ZDBF2: variants seen among roughly 807,000 people sequenced by gnomAD.
The protein encoded by ZDBF2 is zinc finger DBF-type containing 2.
In ZDBF2, 6 loss-of-function variants were observed where a neutral mutation model predicts 9.4. The observed-to-expected ratio is 0.64, with a 90% confidence interval of 0.35 to 1.27. The LOEUF (loss-of-function observed/expected upper bound fraction) is 1.27, where lower values mean the gene tolerates loss of function less well. Among genes scored for constraint, ZDBF2 ranks in the 50% most tolerant of loss-of-function variants. The probability of loss-of-function intolerance (pLI) is 0.03; values close to 1 mark genes in which losing one functional copy is unlikely to be tolerated. For missense variants in ZDBF2, 2,697 were observed against 2,766.8 expected (o/e 0.97, Z 0.57); for synonymous variants, 905 against 946.3 (o/e 0.96, Z 0.80).
intron 3 of ZDBF2, 42 bp downstream of exon 3, chr2:206,281,951 A>G (rs530680396): frequency 3.7e-5 from 56 of 1,519,014 alleles, no homozygotes; most frequent in Non-Finnish European, 4.8e-5. Context: ...CAAAGGACCT[A>G]GTTGTGACTT....
In ZDBF2 at chr2:206,310,459, T is replaced by C; in HGVS notation, c.5931T>C (p.Asp1977=). The change falls in exon 5 of 5, where the codon GAT becomes GAC. Residue 1977 remains aspartate, a synonymous_variant. Transcript: ENST00000374423. ...PPKSKCSRLQ[D]DRKTKKKVKI... ...AAAGTAAGTGTTCACGTTTACAGGA[T>C]GACAGAAAAACCAAAAAGAAAGTCA... is the stretch of plus-strand genomic sequence containing the variant. 6.2e-7 allele frequency: 1 copy of C among 1,613,792 alleles called. No individual in the cohort carries two copies. The highest frequency in any genetic ancestry group is 8.5e-7 in the Non-Finnish European group (1 of 1,179,866).
intron 4 of ZDBF2, among the ~76,000 whole-genome samples, chr2:206,297,762 C>T (rs902935432): frequency 2.0e-5 from 3 of 152,158 alleles, no homozygotes; most frequent in African/African-American, 7.2e-5. Flanking sequence ...TCACCGCAAC[C>T]TCCACCACCC....
rs769354496 is a variant in ZDBF2, at chr2:206,309,854, G to A, written c.5326G>A (p.Val1776Ile). The change falls in exon 5 of 5, where the codon GTA (valine) becomes ATA (isoleucine). Residue 1776 changes from valine (V) to isoleucine (I), a missense_variant. By Grantham distance (29) the Val-to-Ile change is conservative (BLOSUM62 3). Transcript: ENST00000374423. The stretch of plus-strand genomic sequence containing the variant: ...TAAGAAAAGACACCCTTGTAAGAAG[G>A]TATCTTCTGACTTGAAAGAAAAGAA... ...TVKKRHPCKK[V>I]SSDLKEKNHD... The A allele has an allele frequency of 3.7e-6, 6 of 1,613,898 alleles. No individual in the cohort carries two copies. The highest frequency in any genetic ancestry group is 5.1e-6 in the Non-Finnish European group (6 of 1,179,870).
chr2:206,277,330 A>G (rs941493372), intron 1 of ZDBF2, among the ~76,000 whole-genome samples: 1 of 151,900 alleles, frequency 6.6e-6, no homozygotes, highest in African/African-American at 2.4e-5. Context: ...AAAAACCAAA[A>G]ACAAAATGCT....
In ZDBF2 at chr2:206,310,732, A is replaced by G. The variant is rs904148619; in HGVS notation, c.6204A>G (p.Val2068=). 1.9e-6 allele frequency: 3 copies of G among 1,613,688 alleles called. No individual in the cohort carries two copies. The highest frequency in any genetic ancestry group is 2.5e-6 in the Non-Finnish European group (3 of 1,179,884). Residue 2068 remains valine, a synonymous_variant, in exon 5 of 5, where the codon GTA becomes GTG. Coordinates refer to ENST00000374423, the MANE Select transcript of ZDBF2 (RefSeq NM_020923.3). ...TTGTAATTAGTCCTCCCCTGAGTGTAATAGTACCAGAGTTTGAGAGGCGTA... is the reference window on the plus strand; with the variant it reads ...TTGTAATTAGTCCTCCCCTGAGTGTGATAGTACCAGAGTTTGAGAGGCGTA... ...KQIVISPPLS[V]IVPEFERRNW...
chr2:206,287,092 T>A (rs1691643087), intron 3 of ZDBF2, among the ~76,000 whole-genome samples: 1 of 152,208 alleles, frequency 6.6e-6, no homozygotes, highest in South Asian at 2.1e-4. Context: ...CACCTGGATC[T>A]TGGGGTACAG....
chr2:206,286,597 A>G (rs1394235174), intron 3 of ZDBF2, among the ~76,000 whole-genome samples: 3 of 151,586 alleles, frequency 2.0e-5, no homozygotes, highest in South Asian at 2.1e-4. Flanking sequence ...GAGTCTTACC[A>G]TGTTGTCCTT....
chr2:206,308,437 G>A lies in ZDBF2; in HGVS notation c.3909G>A (p.Ala1303=), dbSNP rs572059484. The change falls in exon 5 of 5, where the codon GCG becomes GCA. Residue 1303 remains alanine, a synonymous_variant. Coordinates refer to ENST00000374423, the MANE Select transcript of ZDBF2 (RefSeq NM_020923.3). ...LQSVTNKIPG[A]NKEINLLREE... is the part of the protein sequence containing the mutation. Reference sequence around the variant, plus strand: ...CCGTAACTAATAAAATTCCAGGGGCGAATAAAGAAATAAATCTTTTGAGGG... The same window carrying A: ...CCGTAACTAATAAAATTCCAGGGGCAAATAAAGAAATAAATCTTTTGAGGG... 2.0e-5 allele frequency: 33 copies of A among 1,613,118 alleles called. No individual in the cohort carries two copies. The highest frequency in any genetic ancestry group is 8.8e-5 in the South Asian group (8 of 90,996).
In ZDBF2 at chr2:206,311,190, A is replaced by G. The variant is rs777739448; in HGVS notation, c.6662A>G (p.Asp2221Gly). ...ATTTGGATTCGGACCAAACCAAGTG[A>G]TATCATTAGAAAGTATATTTCGAAA... is the stretch of plus-strand genomic sequence containing the variant. Reference protein sequence around the residue: ...QSIWIRTKPSDIIRKYISKYS... With the variant: ...QSIWIRTKPSGIIRKYISKYS... The change falls in exon 5 of 5, where the codon GAT becomes GGT. Residue 2221 changes from aspartate to glycine, a missense_variant. Physicochemically the swap from Asp to Gly is moderately conservative, Grantham distance 94. Coordinates refer to ENST00000374423, the MANE Select transcript of ZDBF2 (RefSeq NM_020923.3). 1.2e-5 allele frequency: 19 copies of G among 1,612,728 alleles called. No homozygotes were observed. Among genetic ancestry groups the G allele is most frequent in the East Asian group, 2.2e-5 (1 of 44,904 alleles).
chr2:206,276,825 CTAT>C (rs1691031189), intron 1 of ZDBF2, among the ~76,000 whole-genome samples: 1 of 152,162 alleles, frequency 6.6e-6, no homozygotes, highest in Non-Finnish European at 1.5e-5. Context: ...TAAGTATTAG[CTAT>C]TATTATTTTA....
Position 206,312,551 on chromosome 2 carries a change from A to G in ZDBF2, c.*958A>G, listed in dbSNP as rs1559166066. On this transcript the variant is annotated 3_prime_UTR_variant, in exon 5 of 5. Transcript: ENST00000374423. ...TGCCTAAGCCTCTCGAGTAGCTGGG[A>G]CTACAGGCGTGCGCCACCATGCCCG... 6.6e-6 allele frequency: 1 copy of G among 152,210 alleles called. No homozygotes were observed. The highest frequency in any genetic ancestry group is 1.5e-5 in the Non-Finnish European group (1 of 68,122). The allele number at this position is 152,210 out of a possible 1,614,324, so 9.4% of individuals were successfully genotyped here.
intron 3 of ZDBF2, among the ~76,000 whole-genome samples, chr2:206,286,782 T>G (rs1691626156): frequency 1.3e-5 from 2 of 152,222 alleles, no homozygotes; most frequent in South Asian, 4.1e-4. Context: ...TCAGCCCAAC[T>G]GTATCTTTTA....
In ZDBF2 at chr2:206,311,584, G is replaced by C; in HGVS notation, c.7056G>C (p.Glu2352Asp). ...TAGCAAACAAACTGAGAGGTAATGA[G>C]GTAAAATAGAAGTTGGTTTTGTGTT... ...TRLANKLRGN[E>D]VK Residue 2352 changes from glutamate (E) to aspartate (D), a missense_variant, in exon 5 of 5, where the codon GAG becomes GAC. This residue lies in a region of ZDBF2 where 1,783 missense variants were observed against 1,776.5 expected (regional missense o/e 1.00). Transcript: ENST00000374423. The C allele has an allele frequency of 1.3e-6, 2 of 1,490,238 alleles. No homozygotes were observed. The highest frequency in any genetic ancestry group is 1.8e-6 in the Non-Finnish European group (2 of 1,120,554). 92.3% of individuals were successfully genotyped at this position (1,490,238 alleles called of 1,614,324 possible).
intron 4 of ZDBF2, among the ~76,000 whole-genome samples, chr2:206,298,773 A>G (rs1692337888): frequency 6.6e-6 from 1 of 151,576 alleles, no homozygotes; most frequent in Non-Finnish European, 1.5e-5. Flanking sequence ...TGATCTGCCC[A>G]CCTTGGCTTC....
chr2:206,304,044 CAT>C (rs546493840), intron 4 of ZDBF2, among the ~76,000 whole-genome samples: 15 of 152,122 alleles, frequency 9.9e-5, no homozygotes, highest in Non-Finnish European at 2.1e-4. Context: ...TCATTAAACA[CAT>C]GAGAAAACCA....
intron 1 of ZDBF2, among the ~76,000 whole-genome samples, chr2:206,277,311 T>A (rs549173196): frequency 3.3e-3 from 460 of 137,832 alleles, no homozygotes; most frequent in Middle Eastern, 0.015. Context: ...AATATTTCTT[T>A]AAAAAAAAAA....
rs373775170 is a variant in ZDBF2, at chr2:206,304,703, C to G, written c.189-14C>G. ...ATTAGAATATGTTTATGAGTTTCCC[C>G]CCTTTCGTTTTAGTTCAACACAAGA... On this transcript the variant is annotated splice_polypyrimidine_tract_variant and intron_variant, in intron 4 of 4. Transcript: ENST00000374423. 8.2e-6 allele frequency: 13 copies of G among 1,584,162 alleles called. No individual in the cohort carries two copies. The highest frequency in any genetic ancestry group is 8.2e-5 in the African/African-American group (6 of 73,480).
intron 1 of ZDBF2, among the ~76,000 whole-genome samples, chr2:206,278,809 A>G (rs905068801): frequency 6.6e-6 from 1 of 152,106 alleles, no homozygotes; most frequent in Non-Finnish European, 1.5e-5. Context: ...ATTAGCATTT[A>G]TTATTTTTGC....
intron 3 of ZDBF2, among the ~76,000 whole-genome samples, chr2:206,284,267 G>T (rs1691484983): frequency 6.6e-6 from 1 of 151,672 alleles, no homozygotes; most frequent in Non-Finnish European, 1.5e-5. Flanking sequence ...ACCCATAGTG[G>T]ATGTATGTAT....
Sources: gnomAD v4.1 joint callset for allele counts (sites outside exome capture counted in the v4.1 genomes callset) on GRCh38, gnomAD v4.1.1 for gene constraint, gnomAD v4.1.1 regional missense constraint, MANE v1.5 for transcripts, NCBI Gene and HGNC (gene_info 2026-07-23, HGNC 2026-07-21) for gene names.